Variants in RTN4RL1 observed in about 807,000 individuals in gnomAD.
RTN4RL1 encodes the protein reticulon-4 receptor-like 1.
A neutral mutation model predicts 25.6 loss-of-function variants in RTN4RL1; 7 were observed. The observed-to-expected ratio is 0.27, with a 90% CI of 0.16 to 0.51. RTN4RL1 has a LOEUF of 0.51. Ranked by LOEUF, RTN4RL1 falls within the 20% of genes least tolerant of loss-of-function variation. The pLI is 0.97. For synonymous variants in RTN4RL1, 297 were observed against 288.2 expected (o/e 1.03, Z -0.31); for missense variants, 500 against 615.6 (o/e 0.81, Z 1.99).
chr17:2,024,578 C>G (rs573197792), intron 1 of RTN4RL1, among the ~76,000 whole-genome samples: 2 of 152,304 alleles, frequency 1.3e-5, no homozygotes, highest in South Asian at 4.1e-4. Flanking sequence ...TCCCCTTCCA[C>G]CACCGGCCGC....
chr17:1,984,602 A>C (rs2066880215), intron 1 of RTN4RL1, among the ~76,000 whole-genome samples: 1 of 152,186 alleles, frequency 6.6e-6, no homozygotes. Context: ...ACTTCCTCCC[A>C]ACTTGAGAAT....
At chr17:1,974,003 C>A (rs1367214617) in intron 1 of RTN4RL1, among the ~76,000 whole-genome samples, 1 of 138,226 alleles carries the variant, frequency 7.2e-6, no homozygotes, top group Non-Finnish European at 1.5e-5. Flanking sequence ...TGCGCCACTG[C>A]ACTCCAGTCT....
chr17:1,989,576 T>C, intron 1 of RTN4RL1, among the ~76,000 whole-genome samples: 1 of 152,158 alleles, frequency 6.6e-6, no homozygotes. Flanking sequence ...TTTTTATTTA[T>C]TTATTTTTAT....
intron 1 of RTN4RL1, among the ~76,000 whole-genome samples, chr17:1,946,410 G>A (rs564015713): frequency 1.3e-5 from 2 of 152,380 alleles, no homozygotes; most frequent in South Asian, 4.1e-4. Flanking sequence ...GCCTGTGCGT[G>A]GTGTGTGTAC....
At chr17:2,015,046 G>A (rs535985964) in intron 1 of RTN4RL1, among the ~76,000 whole-genome samples, 7 of 152,244 alleles carry the variant, frequency 4.6e-5, no homozygotes, top group South Asian at 2.1e-4. Flanking sequence ...GAATCCGGCC[G>A]CTGTGTAAGG....
chr17:2,002,683 C>T (rs932500388), intron 1 of RTN4RL1, among the ~76,000 whole-genome samples: 7 of 152,126 alleles, frequency 4.6e-5, no homozygotes, highest in Admixed American at 2.6e-4. Flanking sequence ...CTCCCTCTCT[C>T]TTCCTCCCCA....
intron 1 of RTN4RL1, among the ~76,000 whole-genome samples, chr17:1,969,057 C>T (rs1416672183): frequency 6.2e-5 from 3 of 48,344 alleles, no homozygotes; most frequent in East Asian, 4.5e-4. Context: ...GACCACTGTC[C>T]CTTTTTTTTT....
At chr17:1,996,312 GTAAAGAC>G (rs2066929206) in intron 1 of RTN4RL1, among the ~76,000 whole-genome samples, 1 of 152,220 alleles carries the variant, frequency 6.6e-6, no homozygotes, top group Admixed American at 6.5e-5. Context: ...CCAGAAACTG[GTAAAGAC>G]AACAGACACC....
chr17:1,936,789 G>A lies in RTN4RL1; in HGVS notation c.1033C>T (p.Pro345Ser), dbSNP rs748528237. The A allele has an allele frequency of 1.9e-6, 3 of 1,588,554 alleles. No individual in the cohort carries two copies. The highest frequency in any genetic ancestry group is 2.3e-5 in the South Asian group (2 of 86,796). Residue 345 changes from proline (P) to serine (S), a missense_variant, in exon 2 of 2, where the codon CCC (proline) becomes TCC (serine). Transcript: ENST00000331238. ...CCCGGCTTCCTGTGGCCGGGCCGGG[G>A]GCCGTGCGGGTGGCCCTTGCTCCTG... ...PTRSKGHPHG[P>S]RPGHRKPGKN... is the part of the protein sequence containing the mutation.
chr17:1,989,988 C>T (rs1032110436), intron 1 of RTN4RL1, among the ~76,000 whole-genome samples: 1 of 152,032 alleles, frequency 6.6e-6, no homozygotes, highest in African/African-American at 2.4e-5. Flanking sequence ...ACAAAGGTCA[C>T]GATAGTTTGT....
Position 1,937,262 on chromosome 17 carries a change from C to A in RTN4RL1, c.560G>T (p.Ser187Ile). ...GCCCCGGAAGGTGCCCGGGCCCAGA[C>A]TCCACAGCTTGTTGCCGTGGAGAAA... is the stretch of plus-strand genomic sequence containing the variant. ...HLFLHGNKLW[S>I]LGPGTFRGLV... The change falls in exon 2 of 2, where the codon AGT (serine) becomes ATT (isoleucine). Residue 187 changes from serine (S) to isoleucine (I), a missense_variant. Ser to Ile is a moderately radical substitution (Grantham distance 142). This residue lies in a region of RTN4RL1 where 232 missense variants were observed against 341.1 expected (regional missense o/e 0.68). Transcript: ENST00000331238. The A allele has an allele frequency of 1.2e-6, 2 of 1,612,586 alleles. No homozygotes were observed. Among genetic ancestry groups the A allele is most frequent in the Non-Finnish European group, 1.7e-6 (2 of 1,179,870 alleles).
intron 1 of RTN4RL1, among the ~76,000 whole-genome samples, chr17:1,942,385 C>T (rs888724874): frequency 2.0e-5 from 3 of 151,884 alleles, no homozygotes; most frequent in Non-Finnish European, 4.4e-5. Context: ...GGAGGATCCT[C>T]ATGGCTCACT....
intron 1 of RTN4RL1, among the ~76,000 whole-genome samples, chr17:1,980,133 G>A (rs1448494985): frequency 1.4e-5 from 2 of 147,756 alleles, no homozygotes. Flanking sequence ...CCACAATCAC[G>A]GCTCACCAAA....
chr17:1,958,652 G>A (rs959038446), intron 1 of RTN4RL1, among the ~76,000 whole-genome samples: 8 of 152,244 alleles, frequency 5.3e-5, no homozygotes, highest in African/African-American at 1.7e-4. Context: ...ATACTTGAAA[G>A]AGGTTGCTAA....
At chr17:1,969,058 CTTTTTTTT>C in intron 1 of RTN4RL1, among the ~76,000 whole-genome samples, 1 of 103,898 alleles carries the variant, frequency 9.6e-6, no homozygotes. Flanking sequence ...ACCACTGTCC[CTTTTTTTT>C]TTTTTTTTTT....
At chr17:2,023,211 C>T (rs1455155918) in intron 1 of RTN4RL1, among the ~76,000 whole-genome samples, 1 of 152,216 alleles carries the variant, frequency 6.6e-6, no homozygotes, top group Non-Finnish European at 1.5e-5. Context: ...GGCAAGTTTG[C>T]ACGCTCCAGG....
chr17:2,023,195 G>A (rs936650132), intron 1 of RTN4RL1, among the ~76,000 whole-genome samples: 2 of 152,178 alleles, frequency 1.3e-5, no homozygotes, highest in African/African-American at 2.4e-5. Context: ...AAGCCTTCTC[G>A]ACCGGGGCAA....
chr17:2,015,779 G>A (rs9907922), intron 1 of RTN4RL1, among the ~76,000 whole-genome samples: 4,563 of 76,052 alleles, frequency 0.06, 228 homozygotes, highest in African/African-American at 0.17. Context: ...AGAGCCGAGC[G>A]GCCGCAAGGG....
At chr17:1,993,698 G>T (rs1245519592) in intron 1 of RTN4RL1, among the ~76,000 whole-genome samples, 1 of 151,720 alleles carries the variant, frequency 6.6e-6, no homozygotes, top group Admixed American at 6.6e-5. Context: ...CCATTGCAAA[G>T]CACTGCCATT....
Sources: allele counts gnomAD v4.1 joint callset (sites outside exome capture counted in the v4.1 genomes callset), GRCh38; gene constraint gnomAD v4.1.1; regional missense constraint gnomAD v4.1.1; transcripts MANE v1.5; gene names NCBI Gene and HGNC (gene_info 2026-07-23, HGNC 2026-07-21).